The following PDK1 variants were observed in gnomAD, a reference collection of about 807,000 sequenced individuals.
The protein encoded by PDK1 is pyruvate dehydrogenase kinase 1.
In PDK1, 39 loss-of-function variants were observed where a neutral mutation model predicts 54.2. That is an observed-to-expected ratio of 0.72 (90% CI 0.56 to 0.94). PDK1 has a LOEUF of 0.94. Among genes scored for constraint, PDK1 ranks in the 40% least tolerant of loss-of-function variants. PDK1 has a pLI of 0.00. For missense variants in PDK1, 552 were observed against 566.0 expected (o/e 0.98, Z 0.25); for synonymous variants, 221 against 207.1 (o/e 1.07, Z -0.58).
chr2:172,613,112 G>C (rs1405120909), downstream of PDK1, among the ~76,000 whole-genome samples: 1 of 152,244 alleles, frequency 6.6e-6, no homozygotes, highest in African/African-American at 2.4e-5. Flanking sequence ...ACTGGGCATA[G>C]AGAACCTCAG....
At chr2:172,569,147 A>G (rs923725017) in intron 7 of PDK1, among the ~76,000 whole-genome samples, 1 of 152,224 alleles carries the variant, frequency 6.6e-6, no homozygotes, top group Admixed American at 6.5e-5. Flanking sequence ...GTTTATGACT[A>G]TTGGGAATAA....
chr2:172,682,405 T>G, the PDK1 span, among the ~76,000 whole-genome samples: 1 of 152,200 alleles, frequency 6.6e-6, no homozygotes, highest in Non-Finnish European at 1.5e-5. Flanking sequence ...ATCTGATATG[T>G]GTTTCAAAGT....
chr2:172,670,735 G>T, the PDK1 span, among the ~76,000 whole-genome samples: 1 of 152,122 alleles, frequency 6.6e-6, no homozygotes, highest in Non-Finnish European at 1.5e-5. Flanking sequence ...GGTTATAAAA[G>T]TATTTGTATG....
the PDK1 span, among the ~76,000 whole-genome samples, chr2:172,681,698 A>C: frequency 6.6e-6 from 1 of 152,214 alleles, no homozygotes; most frequent in African/African-American, 2.4e-5. Context: ...ATACAAAAGG[A>C]AAATCAGGGT....
chr2:172,643,628 A>G, the PDK1 span, among the ~76,000 whole-genome samples: 2 of 152,088 alleles, frequency 1.3e-5, no homozygotes, highest in Admixed American at 6.5e-5. Flanking sequence ...GGGGTGGCCA[A>G]GGGGCAGCTG....
intron 8 of PDK1, among the ~76,000 whole-genome samples, chr2:172,577,199 A>T: frequency 6.6e-6 from 1 of 152,026 alleles, no homozygotes; most frequent in Non-Finnish European, 1.5e-5. Flanking sequence ...AAAATGTACT[A>T]TTTTGTCTCT....
chr2:172,714,017 G>A, the PDK1 span, among the ~76,000 whole-genome samples: 609 of 152,336 alleles, frequency 4.0e-3, 6 homozygotes, highest in Middle Eastern at 0.024. Flanking sequence ...GACAGATGAA[G>A]AAATGGAAAT....
chr2:172,616,279 T>C, the PDK1 span, among the ~76,000 whole-genome samples: 2 of 152,206 alleles, frequency 1.3e-5, no homozygotes, highest in Non-Finnish European at 2.9e-5. Flanking sequence ...TTTGCACATA[T>C]TTGGAATGCT....
At chr2:172,564,429 TG>T (rs2149208326) in intron 3 of PDK1, 73 bp from the exon 4 acceptor site, 1 of 1,204,304 alleles carries the variant, frequency 8.3e-7, no homozygotes, top group Non-Finnish European at 1.2e-6. Flanking sequence ...CTAGCATAGT[TG>T]GTTAAGCTTA....
chr2:172,622,676 T>C, the PDK1 span, among the ~76,000 whole-genome samples: 1 of 126,466 alleles, frequency 7.9e-6, no homozygotes, highest in Non-Finnish European at 1.8e-5. Context: ...TTATATCTCA[T>C]ATATTATGTG....
intron 9 of PDK1, among the ~76,000 whole-genome samples, chr2:172,588,184 A>C (rs1322680772): frequency 6.6e-6 from 1 of 152,272 alleles, no homozygotes; most frequent in Non-Finnish European, 1.5e-5. Flanking sequence ...AGACAATGTC[A>C]AATGATAAAC....
the PDK1 span, among the ~76,000 whole-genome samples, chr2:172,614,133 G>A: frequency 3.3e-5 from 5 of 151,294 alleles, no homozygotes; most frequent in Non-Finnish European, 7.4e-5. Context: ...TAGAACCCGG[G>A]AATCTCTGCA....
the PDK1 span, among the ~76,000 whole-genome samples, chr2:172,655,440 G>T: frequency 1.3e-5 from 2 of 152,188 alleles, no homozygotes; most frequent in East Asian, 3.8e-4. Context: ...CTAATAGAAA[G>T]AGCTCATTCC....
chr2:172,560,212 T>A (rs1367413975), intron 2 of PDK1, among the ~76,000 whole-genome samples: 1 of 152,174 alleles, frequency 6.6e-6, no homozygotes. Flanking sequence ...CAGGCTAGAG[T>A]GCAGTAGTGT....
At chr2:172,662,386 A>G in the PDK1 span, among the ~76,000 whole-genome samples, 1 of 152,194 alleles carries the variant, frequency 6.6e-6, no homozygotes, top group Non-Finnish European at 1.5e-5. Flanking sequence ...AAAATAAAGT[A>G]AAAAGCTCCT....
At chr2:172,616,768 A>G in the PDK1 span, among the ~76,000 whole-genome samples, 1 of 152,212 alleles carries the variant, frequency 6.6e-6, no homozygotes, top group Non-Finnish European at 1.5e-5. Context: ...TCCCTCTTGA[A>G]TAGCCTACTT....
the PDK1 span, among the ~76,000 whole-genome samples, chr2:172,692,986 T>C: frequency 4.6e-5 from 7 of 152,242 alleles, no homozygotes; most frequent in Non-Finnish European, 1.5e-5. Context: ...GTAATCACTC[T>C]GTTTTCCAAG....
the PDK1 span, among the ~76,000 whole-genome samples, chr2:172,695,401 G>C: frequency 2.6e-5 from 4 of 152,084 alleles, no homozygotes; most frequent in Non-Finnish European, 5.9e-5. Context: ...ACACAACATA[G>C]ACAACAGTCT....
Position 172,556,155 on chromosome 2 carries a change from G to A in PDK1, c.5G>A (p.Arg2Lys), listed in dbSNP as rs1399623417. 3 of 1,413,778 alleles carry A rather than the reference G, an allele frequency of 2.1e-6. No individual in the cohort carries two copies. Among genetic ancestry groups the A allele is most frequent in the Non-Finnish European group, 1.8e-6 (2 of 1,091,298 alleles). The allele number at this position is 1,413,778 out of a possible 1,614,324, so 87.6% of individuals were successfully genotyped here. Residue 2 changes from arginine to lysine, a missense_variant, in exon 1 of 11, where the codon AGG (arginine) becomes AAG (lysine). Arg to Lys is a conservative substitution (Grantham distance 26, BLOSUM62 2). Coordinates refer to ENST00000282077, the MANE Select transcript of PDK1 (RefSeq NM_002610.5). ...GCTTCTCTAGCGGGACTCGGCATGA[G>A]GCTGGCGCGGCTGCTTCGCGGAGCC... M[R>K]LARLLRGAAL...
Sources: gnomAD v4.1 joint callset for allele counts (sites outside exome capture counted in the v4.1 genomes callset) on GRCh38, gnomAD v4.1.1 for gene constraint, MANE v1.5 for transcripts, NCBI Gene and HGNC (gene_info 2026-07-23, HGNC 2026-07-21) for gene names.